GRHL2: variants seen among roughly 807,000 people sequenced by gnomAD.
The protein encoded by GRHL2 is grainyhead like transcription factor 2, also known as grainyhead-like protein 2 homolog.
GRHL2 carries 21 observed loss-of-function variants against 83.8 expected under a neutral mutation model. The ratio of observed to expected loss-of-function variants is 0.25; its 90% CI spans 0.18 to 0.36. GRHL2 has a LOEUF of 0.36. GRHL2 is among the 10% of genes least tolerant of loss of function. The pLI, the probability that GRHL2 is intolerant of heterozygous loss-of-function variation, is 1.00. For synonymous variants in GRHL2, 280 were observed against 278.9 expected (o/e 1.00, Z -0.04); for missense variants, 623 against 781.8 (o/e 0.80, Z 2.42).
At chr8:101,575,278 A>G (rs1197391145) in intron 6 of GRHL2, among the ~76,000 whole-genome samples, 1 of 152,034 alleles carries the variant, frequency 6.6e-6, no homozygotes, top group Non-Finnish European at 1.5e-5. Context: ...CATCATTATC[A>G]TCAACCTGGA....
intron 12 of GRHL2, among the ~76,000 whole-genome samples, chr8:101,640,950 A>G (rs1469915207): frequency 6.6e-6 from 1 of 152,186 alleles, no homozygotes; most frequent in Admixed American, 6.5e-5. Context: ...TGGTTTTTCA[A>G]GTCTTCTTGG....
intron 14 of GRHL2, among the ~76,000 whole-genome samples, chr8:101,658,066 A>C (rs1463893577): frequency 6.6e-6 from 1 of 152,130 alleles, no homozygotes; most frequent in East Asian, 1.9e-4. Context: ...CTCACTTTCC[A>C]GGGTTCTGAA....
intron 1 of GRHL2, among the ~76,000 whole-genome samples, chr8:101,531,480 T>A (rs1000687516): frequency 6.6e-6 from 1 of 152,096 alleles, no homozygotes; most frequent in Non-Finnish European, 1.5e-5. Flanking sequence ...TGTTGAAGAT[T>A]ACTTGACAAG....
rs776545912 is a variant in GRHL2, at chr8:101,619,592, G to A, written c.1152G>A (p.Val384=). ...LSTDFSSQKG[V]KGLPLMIQID... is the part of the protein sequence containing the mutation. ...CAGATTTCTCCTCCCAAAAAGGGGT[G>A]AAAGGACTTCCTTTGATGATTCAGA... The change falls in exon 9 of 16, where the codon GTG becomes GTA. Residue 384 remains valine (V), a synonymous_variant. Coordinates refer to ENST00000646743, the MANE Select transcript of GRHL2 (RefSeq NM_024915.4). 5.6e-6 allele frequency: 9 copies of A among 1,613,398 alleles called. No homozygotes were observed. In the East Asian group the frequency reaches 1.8e-4, roughly 32 times the overall value.
rs1318603273 is a variant in GRHL2, at chr8:101,611,687, C to T, written c.1099-7852C>T. Among the ~76,000 whole-genome samples, 10 of 150,786 alleles carry T rather than the reference C, an allele frequency of 6.6e-5. 1 individual carries two copies. The highest frequency in any genetic ancestry group is 1.7e-4 in the African/African-American group (7 of 40,224). On this transcript the variant is annotated intron_variant, in intron 8 of 15. Transcript: ENST00000646743. ...CCTGTCCTCTCTATAGCTTGGATGTCGGAGGCTGTGGCCACAGCTCTATCT... is the reference window on the plus strand; with the variant it reads ...CCTGTCCTCTCTATAGCTTGGATGTTGGAGGCTGTGGCCACAGCTCTATCT...
At chr8:101,631,591 C>A in intron 9 of GRHL2, 46 bp from the exon 10 acceptor site, 3 of 1,474,154 alleles carry the variant, frequency 2.0e-6, no homozygotes, top group South Asian at 1.2e-5. Context: ...TTTGCATGCT[C>A]TGCTAATATG....
At position 101,652,501 on chromosome 8, in the gene GRHL2, T is replaced by TGTGTGTGTG. The variant is rs1563627359; in HGVS notation, c.1698+3012_1698+3020dup. On this transcript the variant is annotated intron_variant, in intron 14 of 15. Coordinates refer to ENST00000646743, the MANE Select transcript of GRHL2 (RefSeq NM_024915.4). ...GTGGTATGTGTGTATGTGTGTGGTG[T>TGTGTGTGTG]GTGTGTGTGGTGTGTGTGTGGTGTG... 1.1e-4 allele frequency among the ~76,000 whole-genome samples: 12 copies of TGTGTGTGTG among 105,352 alleles called. 1 individual carries two copies. Among genetic ancestry groups the TGTGTGTGTG allele is most frequent in the Admixed American group, 8.8e-4 (9 of 10,176 alleles). 69.1% of individuals were successfully genotyped at this position (105,352 alleles called of 152,430 possible).
intron 4 of GRHL2, among the ~76,000 whole-genome samples, chr8:101,565,771 T>G (rs1811704994): frequency 6.6e-6 from 1 of 152,224 alleles, no homozygotes; most frequent in African/African-American, 2.4e-5. Flanking sequence ...AGTCCTCCCA[T>G]GTGCTCAGGA....
At chr8:101,528,912 A>C (rs1425756956) in intron 1 of GRHL2, 2 of 307,730 alleles carry the variant, frequency 6.5e-6, no homozygotes, top group African/African-American at 2.2e-5. Context: ...AAACTGAAGA[A>C]GTCCCAAACC....
Position 101,625,888 on chromosome 8 carries a change from G to A in GRHL2, c.1258-5749G>A, listed in dbSNP as rs985577457. ...GTTACACATCCTGATATTAAGGGTT[G>A]GAGTCGGGGATGTCAGGAAAATCAT... On this transcript the variant is annotated intron_variant, in intron 9 of 15. Transcript: ENST00000646743. 1.3e-5 allele frequency among the ~76,000 whole-genome samples: 2 copies of A among 151,990 alleles called. 1 individual carries two copies. The highest frequency in any genetic ancestry group is 2.9e-5 in the Non-Finnish European group (2 of 67,926).
At chr8:101,619,732 T>G (rs1173354914) in intron 9 of GRHL2, 35 bp downstream of exon 9, 1 of 1,519,064 alleles carries the variant, frequency 6.6e-7, no homozygotes, top group South Asian at 1.1e-5. Context: ...TAAAGGTATC[T>G]TTTTTATTAG....
Position 101,528,704 on chromosome 8 carries a change from C to T in GRHL2, c.21-14537C>T, listed in dbSNP as rs527938583. 1.3e-5 allele frequency: 3 copies of T among 236,502 alleles called. 1 individual carries two copies. The highest frequency in any genetic ancestry group is 4.7e-5 in the African/African-American group (2 of 42,954). The allele number at this position is 236,502 out of a possible 1,614,324, so 14.7% of individuals were successfully genotyped here. On this transcript the variant is annotated intron_variant, in intron 1 of 15. Transcript: ENST00000646743. ...CGCGAGGCTCTTTTCCTATTCTTTG[C>T]CTCTGTATCCTCTGTGTTCCTTCTG...
intron 14 of GRHL2, 43 bp from the exon 15 acceptor site, chr8:101,664,411 C>A: frequency 6.9e-7 from 1 of 1,459,564 alleles, no homozygotes. Context: ...TCCAGTTGGG[C>A]GTCCTTCTGT....
intron 11 of GRHL2, among the ~76,000 whole-genome samples, chr8:101,635,419 G>A (rs1042897006): frequency 1.3e-5 from 2 of 152,198 alleles, no homozygotes; most frequent in East Asian, 1.9e-4. Flanking sequence ...ATTCAGGAGG[G>A]TGGGAAAACA....
chr8:101,499,396 C>T (rs112366282), intron 1 of GRHL2, among the ~76,000 whole-genome samples: 56 of 152,284 alleles, frequency 3.7e-4, no homozygotes, highest in African/African-American at 1.3e-3. Flanking sequence ...TTCCCTCCTT[C>T]CCTTCTTTCC....
At chr8:101,644,670 C>T (rs1197334910) in intron 13 of GRHL2, among the ~76,000 whole-genome samples, 1 of 152,208 alleles carries the variant, frequency 6.6e-6, no homozygotes, top group Non-Finnish European at 1.5e-5. Flanking sequence ...TTCTGCTTCA[C>T]CAAGAGGGTA....
At chr8:101,652,560 G>GT (rs879733135) in intron 14 of GRHL2, among the ~76,000 whole-genome samples, 3,419 of 53,256 alleles carry the variant, frequency 0.064, 582 homozygotes, top group Middle Eastern at 0.19. Flanking sequence ...GTGTATGTGT[G>GT]GTGGTGTGTG....
At chr8:101,633,078 T>A (rs1268252171) in intron 11 of GRHL2, among the ~76,000 whole-genome samples, 1 of 152,228 alleles carries the variant, frequency 6.6e-6, no homozygotes, top group East Asian at 1.9e-4. Flanking sequence ...TAGTAATTTG[T>A]GTTCATATTA....
chr8:101,509,217 G>T (rs893984364), intron 1 of GRHL2, among the ~76,000 whole-genome samples: 29 of 45,704 alleles, frequency 6.3e-4, no homozygotes, highest in Non-Finnish European at 1.4e-3. Flanking sequence ...TCTTGTGTGT[G>T]TGTGTGTGTG....
Sources: allele counts gnomAD v4.1 joint callset (sites outside exome capture counted in the v4.1 genomes callset), GRCh38; gene constraint gnomAD v4.1.1; transcripts MANE v1.5; gene names NCBI Gene and HGNC (gene_info 2026-07-23, HGNC 2026-07-21).